The following GOLM2 variants were observed in gnomAD, a reference collection of about 807,000 sequenced individuals.
The protein encoded by GOLM2 is protein GOLM2.
GOLM2 carries 26 observed loss-of-function variants against 55.9 expected under a neutral mutation model. The observed-to-expected ratio is 0.47, with a 90% CI of 0.34 to 0.65. GOLM2 has a LOEUF of 0.65. Among genes scored for constraint, GOLM2 ranks in the 30% least tolerant of loss-of-function variants. The pLI is 0.01. For synonymous variants in GOLM2, 165 were observed against 194.6 expected (o/e 0.85, Z 1.27); for missense variants, 486 against 531.8 (o/e 0.91, Z 0.85).
intron 1 of GOLM2, among the ~76,000 whole-genome samples, chr15:44,318,928 C>CA (rs148309101): frequency 6.6e-6 from 1 of 152,176 alleles, no homozygotes; most frequent in Non-Finnish European, 1.5e-5. Context: ...AAGTGTTTTT[C>CA]ATATCTAAGT....
intron 6 of GOLM2, among the ~76,000 whole-genome samples, chr15:44,347,715 A>G (rs1567031819): frequency 6.6e-6 from 1 of 152,200 alleles, no homozygotes; most frequent in Non-Finnish European, 1.5e-5. Context: ...CTAGTGAGAC[A>G]GCAGCCAGGG....
intron 8 of GOLM2, among the ~76,000 whole-genome samples, chr15:44,393,815 C>T (rs1468200456): frequency 1.3e-5 from 2 of 152,124 alleles, no homozygotes; most frequent in Non-Finnish European, 2.9e-5. Flanking sequence ...CCTCAGCCTC[C>T]TGAGTAGCTG....
Position 44,289,029 on chromosome 15 carries a change from C to G in GOLM2, c.-1C>G. The stretch of plus-strand genomic sequence containing the variant: ...CCTAGGGTACAGCCCGATTTGGCCC[C>G]ATGGTGGGTTTCGGGGCCAACCGGC... On this transcript the variant is annotated 5_prime_UTR_variant, in exon 1 of 10. Coordinates refer to ENST00000299957, the MANE Select transcript of GOLM2 (RefSeq NM_138423.4). This position sits in a 1 kb window ranked among gnomAD's most constrained non-coding sequence, Gnocchi z 4.8. 4 of 1,612,164 alleles carry G rather than the reference C, an allele frequency of 2.5e-6. No individual in the cohort carries two copies. Among genetic ancestry groups the G allele is most frequent in the Non-Finnish European group, 2.5e-6 (3 of 1,178,926 alleles).
At chr15:44,311,605 T>A (rs1191060538) in intron 1 of GOLM2, among the ~76,000 whole-genome samples, 1 of 151,926 alleles carries the variant, frequency 6.6e-6, no homozygotes. Context: ...CTATCAAAAG[T>A]CTTGATTATT....
intron 6 of GOLM2, among the ~76,000 whole-genome samples, chr15:44,372,872 G>T (rs1003403818): frequency 6.6e-6 from 1 of 151,932 alleles, no homozygotes; most frequent in African/African-American, 2.4e-5. Flanking sequence ...CCTGTCTCAA[G>T]GCCTTTGTAC....
At chr15:44,321,959 T>C (rs1249052304) in intron 1 of GOLM2, among the ~76,000 whole-genome samples, 1 of 151,998 alleles carries the variant, frequency 6.6e-6, no homozygotes, top group Non-Finnish European at 1.5e-5. Context: ...CTTGAGAGCC[T>C]GAGATAGGAG....
chr15:44,376,014 A>T (rs1199939023), intron 6 of GOLM2, among the ~76,000 whole-genome samples: 2 of 152,130 alleles, frequency 1.3e-5, no homozygotes, highest in Non-Finnish European at 2.9e-5. Flanking sequence ...AGGTGGGCGG[A>T]TCACCTGAGG....
intron 9 of GOLM2, among the ~76,000 whole-genome samples, chr15:44,412,472 C>A (rs79831465): frequency 1.3e-5 from 2 of 151,964 alleles, no homozygotes; most frequent in Non-Finnish European, 2.9e-5. Flanking sequence ...TGTTATACCC[C>A]ATTTAGGAAG....
chr15:44,320,864 A>G (rs941925042), intron 1 of GOLM2, among the ~76,000 whole-genome samples: 1 of 152,180 alleles, frequency 6.6e-6, no homozygotes. Flanking sequence ...CCAGTCAGAC[A>G]GTATGTTGGT....
At chr15:44,292,405 C>A (rs995536196) in intron 1 of GOLM2, among the ~76,000 whole-genome samples, 27 of 151,986 alleles carry the variant, frequency 1.8e-4, no homozygotes, top group Non-Finnish European at 2.5e-4. Context: ...ACCATGTTAG[C>A]CAAGATGGTC....
intron 6 of GOLM2, among the ~76,000 whole-genome samples, chr15:44,358,415 T>G (rs563927161): frequency 6.6e-6 from 1 of 151,986 alleles, no homozygotes; most frequent in Non-Finnish European, 1.5e-5. Flanking sequence ...GCCAACACAA[T>G]ATTGAAGTCA....
At chr15:44,337,677 A>G in intron 4 of GOLM2, 86 bp from the exon 5 acceptor site, 1 of 926,268 alleles carries the variant, frequency 1.1e-6, no homozygotes, top group Admixed American at 3.2e-5. Context: ...TACAAGATGA[A>G]CTGTTTCAGA....
intron 1 of GOLM2, among the ~76,000 whole-genome samples, chr15:44,320,520 G>C (rs1002333908): frequency 1.3e-5 from 2 of 152,004 alleles, no homozygotes; most frequent in African/African-American, 4.8e-5. Flanking sequence ...GGCCAGGCTG[G>C]TCTTGAACTG....
intron 1 of GOLM2, among the ~76,000 whole-genome samples, chr15:44,306,731 C>T (rs190383614): frequency 2.6e-5 from 4 of 152,192 alleles, no homozygotes; most frequent in East Asian, 3.9e-4. Context: ...ATTGTAGTAT[C>T]GTTTTGTCTC....
At position 44,344,666 on chromosome 15, in the gene GOLM2, C is replaced by T. The variant is rs182406304; in HGVS notation, c.802+6349C>T. Among the ~76,000 whole-genome samples the T allele has an allele frequency of 4.6e-4, 70 of 152,252 alleles. 1 individual carries two copies. The East Asian group carries it at 0.013, about 29-fold the overall frequency. ...AGTACAGTGGCATGGTCATAGCTTA[C>T]TGCAGCCTCAAACTCCTAGACCCAA... On this transcript the variant is annotated intron_variant, in intron 6 of 9. Transcript: ENST00000299957.
intron 3 of GOLM2, among the ~76,000 whole-genome samples, chr15:44,329,598 A>G (rs2079008022): frequency 6.6e-6 from 1 of 152,030 alleles, no homozygotes; most frequent in Admixed American, 6.5e-5. Context: ...TCCTTTTCTC[A>G]CTTTAAGACT....
chr15:44,326,327 C>T (rs1210959552), intron 2 of GOLM2, among the ~76,000 whole-genome samples: 2 of 149,116 alleles, frequency 1.3e-5, no homozygotes, highest in African/African-American at 4.9e-5. Context: ...TAATGATTAA[C>T]TACAAATATT....
At chr15:44,410,687 G>C (rs1248310669) in intron 9 of GOLM2, among the ~76,000 whole-genome samples, 2 of 150,870 alleles carry the variant, frequency 1.3e-5, no homozygotes, top group African/African-American at 4.9e-5. Context: ...CTTGAACCCA[G>C]GAGTTAAAGG....
chr15:44,394,632 A>G (rs1438949582), intron 8 of GOLM2, among the ~76,000 whole-genome samples: 1 of 152,216 alleles, frequency 6.6e-6, no homozygotes, highest in African/African-American at 2.4e-5. Context: ...AAGCCAGTCA[A>G]TAGTTTTCCT....
Sources: gnomAD v4.1 joint callset for allele counts (sites outside exome capture counted in the v4.1 genomes callset) on GRCh38, gnomAD v4.1.1 for gene constraint, Gnocchi (gnomAD v3.1) non-coding constraint, MANE v1.5 for transcripts, NCBI Gene and HGNC (gene_info 2026-07-23, HGNC 2026-07-21) for gene names.